Variants in EHBP1 observed in about 807,000 individuals in gnomAD.
EHBP1 encodes EH domain binding protein 1, also known as EH domain-binding protein 1.
In EHBP1, 55 loss-of-function variants were observed where a neutral mutation model predicts 144.0. That is an observed-to-expected ratio of 0.38 (90% CI 0.31 to 0.48). EHBP1 has a LOEUF of 0.48. Among genes scored for constraint, EHBP1 ranks in the 20% least tolerant of loss-of-function variants. The pLI is 0.98. For missense variants in EHBP1, 1,200 were observed against 1,364.2 expected (o/e 0.88, Z 1.90); for synonymous variants, 469 against 472.7 (o/e 0.99, Z 0.10).
At chr2:63,009,152 G>C (rs1320630592) in intron 19 of EHBP1, among the ~76,000 whole-genome samples, 3 of 151,540 alleles carry the variant, frequency 2.0e-5, no homozygotes, top group Non-Finnish European at 4.4e-5. Flanking sequence ...AATTTTATAG[G>C]AGAAATTGCA....
At chr2:62,983,129 T>G (rs1425101550) in intron 15 of EHBP1, among the ~76,000 whole-genome samples, 3 of 152,212 alleles carry the variant, frequency 2.0e-5, no homozygotes, top group Non-Finnish European at 4.4e-5. Flanking sequence ...ATTTTGTAAT[T>G]GTAGACATGC....
chr2:62,941,909 T>C lies in EHBP1; in HGVS notation c.1186-809T>C, dbSNP rs995412864. Among the ~76,000 whole-genome samples the C allele has an allele frequency of 2.0e-5, 3 of 152,116 alleles. No homozygotes were observed. The East Asian group carries it at 5.8e-4, about 29-fold the overall frequency. ...TGTTATTCAGTAAAAGAAAATGATA[T>C]GGTTTTAATAATAATAAAACTTTAG... On this transcript the variant is annotated intron_variant, in intron 10 of 22. Transcript: ENST00000431489.
chr2:62,753,836 A>G (rs1231964745), intron 3 of EHBP1, among the ~76,000 whole-genome samples: 2 of 152,146 alleles, frequency 1.3e-5, no homozygotes, highest in African/African-American at 4.8e-5. Flanking sequence ...CATGGTTTTC[A>G]GCTCCATCTG....
At chr2:62,839,335 C>A (rs1218933100) in intron 7 of EHBP1, among the ~76,000 whole-genome samples, 16 of 143,868 alleles carry the variant, frequency 1.1e-4, no homozygotes, top group South Asian at 6.9e-4. Context: ...ATTGATGGGA[C>A]GTATTTCAAA....
At chr2:62,838,913 C>T (rs1274768889) in intron 7 of EHBP1, among the ~76,000 whole-genome samples, 1 of 127,370 alleles carries the variant, frequency 7.9e-6, no homozygotes. Context: ...ACCAGAGGTA[C>T]AAGGAGGAAC....
At chr2:62,832,515 T>G (rs1011152120) in intron 7 of EHBP1, among the ~76,000 whole-genome samples, 2 of 151,698 alleles carry the variant, frequency 1.3e-5, no homozygotes, top group Non-Finnish European at 2.9e-5. Context: ...TTAGTCTGTT[T>G]AGTCTATCAG....
At chr2:62,869,450 T>C (rs1329218359) in intron 9 of EHBP1, among the ~76,000 whole-genome samples, 1 of 152,210 alleles carries the variant, frequency 6.6e-6, no homozygotes, top group African/African-American at 2.4e-5. Flanking sequence ...AATGCAGTAC[T>C]ACTCAGTAAT....
intron 5 of EHBP1, among the ~76,000 whole-genome samples, chr2:62,806,352 G>T (rs994992249): frequency 1.3e-5 from 2 of 151,750 alleles, no homozygotes; most frequent in Non-Finnish European, 2.9e-5. Context: ...TCTACTTTTT[G>T]TGGTTTTTCG....
At chr2:62,944,400 C>G (rs2056947142) in intron 12 of EHBP1, among the ~76,000 whole-genome samples, 1 of 152,146 alleles carries the variant, frequency 6.6e-6, no homozygotes, top group African/African-American at 2.4e-5. Context: ...TGTACCTTTT[C>G]TATGTTTAGA....
intron 10 of EHBP1, among the ~76,000 whole-genome samples, chr2:62,906,099 C>T (rs767080123): frequency 4.0e-5 from 6 of 150,916 alleles, no homozygotes; most frequent in South Asian, 2.1e-4. Flanking sequence ...AGGTCTGTGA[C>T]CCACTTGGAG....
intron 15 of EHBP1, among the ~76,000 whole-genome samples, chr2:62,983,875 T>C (rs1304828055): frequency 1.3e-5 from 2 of 152,220 alleles, no homozygotes; most frequent in African/African-American, 2.4e-5. Flanking sequence ...AAGTAGTATA[T>C]TTTGTTTTGC....
At chr2:62,973,335 A>G (rs1176401516) in intron 14 of EHBP1, among the ~76,000 whole-genome samples, 2 of 152,230 alleles carry the variant, frequency 1.3e-5, no homozygotes, top group African/African-American at 2.4e-5. Context: ...ATATTAAATA[A>G]TGGTTTTTGT....
At chr2:62,754,677 C>G (rs1002100982) in intron 3 of EHBP1, among the ~76,000 whole-genome samples, 1 of 152,236 alleles carries the variant, frequency 6.6e-6, no homozygotes, top group Non-Finnish European at 1.5e-5. Flanking sequence ...CTACTCAAGC[C>G]TCAGCAATGG....
chr2:62,790,139 C>T (rs1302504406), intron 5 of EHBP1, among the ~76,000 whole-genome samples: 1 of 152,182 alleles, frequency 6.6e-6, no homozygotes, highest in African/African-American at 2.4e-5. Context: ...TTTACCCTGA[C>T]ATAATGTCGT....
In EHBP1 at chr2:62,844,145, TAGTG is replaced by T. The variant is rs2048124269; in HGVS notation, c.634+12991_634+12994del. 3.3e-5 allele frequency among the ~76,000 whole-genome samples: 5 copies of T among 152,316 alleles called. No homozygotes were observed. The South Asian group carries it at 1.0e-3, about 32-fold the overall frequency. On this transcript the variant is annotated intron_variant, in intron 7 of 22. Coordinates refer to ENST00000431489, the MANE Select transcript of EHBP1 (RefSeq NM_001142616.3). ...GATTGACATCTCACGGTTATTCATGTAGTGAGTAATTTCTTATGGAAAGTTGCTG... is the reference window on the plus strand; with the variant it reads ...GATTGACATCTCACGGTTATTCATGTAGTAATTTCTTATGGAAAGTTGCTG...
chr2:62,816,106 T>C (rs1349285713), intron 5 of EHBP1, among the ~76,000 whole-genome samples: 2 of 152,170 alleles, frequency 1.3e-5, no homozygotes, highest in Non-Finnish European at 2.9e-5. Flanking sequence ...AATACTCCCA[T>C]ACTTTTCCAG....
At chr2:62,837,173 G>A (rs1235214330) in intron 7 of EHBP1, among the ~76,000 whole-genome samples, 1 of 147,466 alleles carries the variant, frequency 6.8e-6, no homozygotes, top group East Asian at 2.0e-4. Context: ...GAAGAGAGTG[G>A]GGGCCAATAT....
At chr2:62,938,814 AAAG>A (rs577376585) in intron 10 of EHBP1, among the ~76,000 whole-genome samples, 227 of 152,222 alleles carry the variant, frequency 1.5e-3, no homozygotes, top group Middle Eastern at 3.4e-3. Flanking sequence ...GGGAAAAAAA[AAAG>A]AAGAAGAAGA....
At chr2:62,797,879 G>T (rs549110388) in intron 5 of EHBP1, among the ~76,000 whole-genome samples, 29 of 152,210 alleles carry the variant, frequency 1.9e-4, no homozygotes, top group African/African-American at 6.7e-4. Flanking sequence ...ATTTAACAAG[G>T]TGTCAATGCA....
Sources: gnomAD v4.1 joint callset for allele counts (sites outside exome capture counted in the v4.1 genomes callset) on GRCh38, gnomAD v4.1.1 for gene constraint, MANE v1.5 for transcripts, NCBI Gene and HGNC (gene_info 2026-07-23, HGNC 2026-07-21) for gene names.